The following DNAJA3 variants were observed in gnomAD, a reference collection of about 807,000 sequenced individuals.
DNAJA3 encodes the protein dnaJ homolog subfamily A member 3, mitochondrial.
In DNAJA3, 29 loss-of-function variants were observed where a neutral mutation model predicts 54.9. That is an observed-to-expected ratio of 0.53 (90% CI 0.39 to 0.72). The LOEUF is 0.72. DNAJA3 is among the 30% of genes least tolerant of loss of function. The pLI, the probability that DNAJA3 is intolerant of heterozygous loss-of-function variation, is 0.00. For missense variants in DNAJA3, 708 were observed against 639.4 expected (o/e 1.11, Z -1.16); for synonymous variants, 302 against 251.4 (o/e 1.20, Z -1.90).
rs1223091813 is a variant in DNAJA3 at position 4,454,938 on chromosome 16, C to A, written c.*13+11C>A. The A allele has an allele frequency of 1.3e-6, 2 of 1,578,014 alleles. No individual in the cohort carries two copies. The highest frequency in any genetic ancestry group is 1.7e-6 in the Non-Finnish European group (2 of 1,150,002). ...GATATCCCAGCCGAGGTAGGAAAAC[C>A]CTGGAGGTTTTTTTTCCCTTTGTTT... On this transcript the variant is annotated intron_variant, in intron 11 of 11. Coordinates refer to ENST00000262375, the MANE Select transcript of DNAJA3 (RefSeq NM_005147.6).
chr16:4,426,328 C>T (rs576053143), intron 1 of DNAJA3, among the ~76,000 whole-genome samples: 3 of 152,212 alleles, frequency 2.0e-5, no homozygotes, highest in Non-Finnish European at 4.4e-5. Context: ...CCCCGTAGAT[C>T]GTGAACCTTC....
intron 2 of DNAJA3, among the ~76,000 whole-genome samples, chr16:4,435,366 G>C (rs755854915): frequency 2.0e-5 from 3 of 152,046 alleles, no homozygotes; most frequent in Non-Finnish European, 2.9e-5. Flanking sequence ...ACCATTGTAG[G>C]ATTGACAGCT....
At chr16:4,426,178 A>C in intron 1 of DNAJA3, 86 bp downstream of exon 1, 1 of 1,344,646 alleles carries the variant, frequency 7.4e-7, no homozygotes, top group Non-Finnish European at 9.8e-7. Flanking sequence ...CTGCAGGGGT[A>C]GTGGGGTGGA....
chr16:4,429,979 A>T (rs1199880011), intron 1 of DNAJA3, among the ~76,000 whole-genome samples: 2 of 151,962 alleles, frequency 1.3e-5, no homozygotes, highest in Admixed American at 1.3e-4. Context: ...CCTGGGCAAC[A>T]GAGTATGACT....
intron 8 of DNAJA3, chr16:4,447,300 G>C (rs1216684047): frequency 5.3e-6 from 2 of 380,876 alleles, no homozygotes; most frequent in Non-Finnish European, 9.6e-6. Flanking sequence ...GGTTCACCCT[G>C]GGTTGTGCTC....
At chr16:4,428,549 C>T (rs926549238) in intron 1 of DNAJA3, among the ~76,000 whole-genome samples, 9 of 152,144 alleles carry the variant, frequency 5.9e-5, no homozygotes, top group Admixed American at 2.6e-4. Context: ...TGGGAGCACT[C>T]GTTATTATTG....
At chr16:4,426,252 C>CCA (rs2056620819) in intron 1 of DNAJA3, among the ~76,000 whole-genome samples, 160 bp downstream of exon 1, 1 of 152,184 alleles carries the variant, frequency 6.6e-6, no homozygotes, top group Non-Finnish European at 1.5e-5. Context: ...CGGGGAGGCC[C>CCA]CAGTGGCTGC....
intron 2 of DNAJA3, among the ~76,000 whole-genome samples, chr16:4,435,579 C>T (rs139925169): frequency 7.7e-4 from 117 of 152,288 alleles, no homozygotes; most frequent in African/African-American, 2.7e-3. Context: ...GGGAATCATA[C>T]AATATGTATC....
intron 3 of DNAJA3, 108 bp from the exon 4 acceptor site, chr16:4,441,267 A>G: frequency 2.9e-6 from 3 of 1,033,920 alleles, no homozygotes; most frequent in Non-Finnish European, 1.4e-6. Flanking sequence ...GTTTGCACAC[A>G]GGGCCACTTA....
At position 4,425,970 on chromosome 16, in the gene DNAJA3, C is replaced by T. The variant is rs763069419; in HGVS notation, c.89C>T (p.Pro30Leu). 6.3e-7 allele frequency: 1 copy of T among 1,588,100 alleles called. No homozygotes were observed. Among genetic ancestry groups the T allele is most frequent in the South Asian group, 1.1e-5 (1 of 87,780 alleles). Residue 30 changes from proline (P) to leucine (L), a missense_variant, in exon 1 of 12, where the codon CCC becomes CTC. Pro to Leu is a moderately conservative substitution (Grantham distance 98, BLOSUM62 -3). Coordinates refer to ENST00000262375, the MANE Select transcript of DNAJA3 (RefSeq NM_005147.6). ...PAISGRGARP[P>L]REGVVGAWLS... ...ATATCGGGTAGAGGGGCCCGGCCGC[C>T]CAGGGAGGGCGTGGTGGGGGCATGG...
rs182257248 is a variant in DNAJA3, at chr16:4,434,045, C to T, written c.212-339C>T. 2.6e-4 allele frequency: 73 copies of T among 283,088 alleles called. 1 individual carries two copies. The highest frequency in any genetic ancestry group is 1.6e-3 in the African/African-American group (68 of 43,746). 17.5% of individuals were successfully genotyped at this position (283,088 alleles called of 1,614,324 possible). ...GCTGGGGAGGCCTCAGCGATCGTGG[C>T]GGAAGGGGAAGCAAACACATCCTTC... On this transcript the variant is annotated intron_variant, in intron 1 of 11. Coordinates refer to ENST00000262375, the MANE Select transcript of DNAJA3 (RefSeq NM_005147.6).
At chr16:4,447,101 C>T in intron 8 of DNAJA3, 87 bp downstream of exon 8, 1 of 1,494,652 alleles carries the variant, frequency 6.7e-7, no homozygotes, top group South Asian at 1.3e-5. Flanking sequence ...TGGCCTGGAA[C>T]CCATGAGTGA....
Position 4,447,210 on chromosome 16 carries a change from A to T in DNAJA3, c.1125+196A>T, listed in dbSNP as rs28418324. The T allele has an allele frequency of 0.012, 7,078 of 603,890 alleles. 399 individuals are homozygous for T. The African/African-American group carries it at 0.12, about 10-fold the overall frequency. 37.4% of individuals were successfully genotyped at this position (603,890 alleles called of 1,614,324 possible). On this transcript the variant is annotated intron_variant, in intron 8 of 11. Coordinates refer to ENST00000262375, the MANE Select transcript of DNAJA3 (RefSeq NM_005147.6). ...CCACAGGCCTTGAGTCTATAATCGCATGGGAAGCAGTTCCTGGCTGGCATC... is the reference window on the plus strand; with the variant it reads ...CCACAGGCCTTGAGTCTATAATCGCTTGGGAAGCAGTTCCTGGCTGGCATC...
intron 8 of DNAJA3, 104 bp from the exon 9 acceptor site, chr16:4,448,626 GGTA>G: frequency 1.3e-6 from 1 of 779,476 alleles, no homozygotes; most frequent in Non-Finnish European, 2.2e-6. Context: ...GTGAGCCAGT[GGTA>G]GTTCTTTTCA....
At chr16:4,433,575 C>T (rs1238163738) in intron 1 of DNAJA3, among the ~76,000 whole-genome samples, 2 of 152,080 alleles carry the variant, frequency 1.3e-5, no homozygotes, top group Non-Finnish European at 2.9e-5. Context: ...GTCCAGGGAG[C>T]GCAGTCTTGA....
intron 10 of DNAJA3, among the ~76,000 whole-genome samples, chr16:4,454,110 C>A (rs1466042229): frequency 6.6e-6 from 1 of 152,160 alleles, no homozygotes; most frequent in East Asian, 1.9e-4. Context: ...CAAATGGGGA[C>A]AACTTGCTCA....
chr16:4,440,845 A>C (rs1289206363), intron 3 of DNAJA3: 5 of 154,458 alleles, frequency 3.2e-5, no homozygotes, highest in African/African-American at 1.2e-4. Flanking sequence ...GGTGGTGTGC[A>C]CCTGTAGACC....
intron 1 of DNAJA3, 142 bp downstream of exon 1, chr16:4,426,234 G>T (rs1028275279): frequency 3.0e-6 from 3 of 1,006,616 alleles, no homozygotes; most frequent in Non-Finnish European, 1.4e-6. Flanking sequence ...ACACAGACAG[G>T]CAGGAGGCGG....
chr16:4,427,609 G>A (rs957735981), intron 1 of DNAJA3, among the ~76,000 whole-genome samples: 25 of 152,300 alleles, frequency 1.6e-4, no homozygotes, highest in Middle Eastern at 3.4e-3. Flanking sequence ...ACTGTTCTGG[G>A]CACTGAGGAG....
Sources: gnomAD v4.1 joint callset for allele counts (sites outside exome capture counted in the v4.1 genomes callset) on GRCh38, gnomAD v4.1.1 for gene constraint, MANE v1.5 for transcripts, NCBI Gene and HGNC (gene_info 2026-07-23, HGNC 2026-07-21) for gene names.